The following AKAP8L variants were observed in gnomAD, a reference collection of about 807,000 sequenced individuals.
The protein encoded by AKAP8L is A-kinase anchoring protein 8 like, also known as A-kinase anchor protein 8-like.
Under a neutral mutation model 77.5 loss-of-function variants are expected in AKAP8L, and 34 were observed. The observed-to-expected ratio is 0.44, with a 90% CI of 0.33 to 0.58. AKAP8L has a LOEUF of 0.58. Among genes scored for constraint, AKAP8L ranks in the 20% least tolerant of loss-of-function variants. The pLI, the probability that AKAP8L is intolerant of heterozygous loss-of-function variation, is 0.02. For synonymous variants in AKAP8L, 342 were observed against 340.7 expected, an observed-to-expected ratio of 1.00 and a Z score of -0.04; for missense variants, 806 against 887.6, an observed-to-expected ratio of 0.91 and a Z score of 1.17.
chr19:15,392,840 G>T (rs1372635900), intron 12 of AKAP8L, among the ~76,000 whole-genome samples: 1 of 122,556 alleles, frequency 8.2e-6, no homozygotes, highest in South Asian at 2.7e-4. Flanking sequence ...AGGTTGCAGT[G>T]AGCCAAGATG....
At position 15,404,748 on chromosome 19, in the gene AKAP8L, C is replaced by T. The variant is rs531763062; in HGVS notation, c.89-706G>A. 7.2e-5 allele frequency among the ~76,000 whole-genome samples: 11 copies of T among 152,312 alleles called. 1 individual carries two copies. In the South Asian group the frequency reaches 2.3e-3, roughly 32 times the overall value. ...TGTTTCCCATTCCATGTCATCTCTG[C>T]CCCGCAGAGGACATGCTCATCCCAG... is the stretch of plus-strand genomic sequence containing the variant. On this transcript the variant is annotated intron_variant, in intron 2 of 13. Coordinates refer to ENST00000397410, the MANE Select transcript of AKAP8L (RefSeq NM_014371.4).
intron 12 of AKAP8L, 74 bp from the exon 13 acceptor site, chr19:15,380,686 T>C: frequency 6.9e-7 from 1 of 1,445,078 alleles, no homozygotes; most frequent in Non-Finnish European, 9.6e-7. Flanking sequence ...CCCTGCCAGC[T>C]TAGAGGGACC....
chr19:15,404,258 G>A, intron 2 of AKAP8L: 1 of 574,042 alleles, frequency 1.7e-6, no homozygotes, highest in South Asian at 2.1e-5. Context: ...GTTATTTAAG[G>A]ATCCTTCTGT....
Position 15,400,959 on chromosome 19 carries a change from C to A in AKAP8L, c.901G>T (p.Asp301Tyr). Residue 301 changes from aspartate (D) to tyrosine (Y), a missense_variant, in exon 6 of 14, where the codon GAC (aspartate) becomes TAC (tyrosine). Around this residue, in one of 2 missense-constraint regions of AKAP8L, gnomAD observed 580 missense variants for 694.1 expected, o/e 0.84. Coordinates refer to ENST00000397410, the MANE Select transcript of AKAP8L (RefSeq NM_014371.4). Reference sequence around the variant, plus strand: ...CTAGTGGGCTCACCATTGTCTGAGTCGCTGTTGTCCGAGCAGTCCGTGCGG... The same window carrying A: ...CTAGTGGGCTCACCATTGTCTGAGTAGCTGTTGTCCGAGCAGTCCGTGCGG... ...ATRTDCSDNS[D>Y]SDNDEGTEGE... 6.2e-7 allele frequency: 1 copy of A among 1,613,956 alleles called. No individual in the cohort carries two copies. The highest frequency in any genetic ancestry group is 8.5e-7 in the Non-Finnish European group (1 of 1,179,874).
chr19:15,390,511 G>C (rs1401003737), intron 12 of AKAP8L, among the ~76,000 whole-genome samples: 1 of 151,518 alleles, frequency 6.6e-6, no homozygotes, highest in African/African-American at 2.4e-5. Context: ...ATTAATACTA[G>C]TATATACTAG....
Position 15,403,441 on chromosome 19 carries a change from C to A in AKAP8L, c.362+34G>T. 6.2e-7 allele frequency: 1 copy of A among 1,608,084 alleles called. No individual in the cohort carries two copies. Among genetic ancestry groups the A allele is most frequent in the Non-Finnish European group, 8.5e-7 (1 of 1,174,974 alleles). On this transcript the variant is annotated intron_variant, in intron 4 of 13. Coordinates refer to ENST00000397410, the MANE Select transcript of AKAP8L (RefSeq NM_014371.4). The surrounding 1 kb of genome is among the most constrained non-coding windows in gnomAD (Gnocchi z 4.3). The stretch of plus-strand genomic sequence containing the variant: ...GGGCAGCAGGCAGGAGCCGCCCCTG[C>A]AGAGTCTCAACCCCTAGGCAGGTGT...
intron 1 of AKAP8L, among the ~76,000 whole-genome samples, chr19:15,414,013 G>A (rs1968154551): frequency 6.6e-6 from 1 of 151,446 alleles, no homozygotes; most frequent in Admixed American, 6.6e-5. Flanking sequence ...AAAGATCGCA[G>A]AGCAGGCCCT....
chr19:15,408,879 A>C (rs1968055001), intron 2 of AKAP8L, among the ~76,000 whole-genome samples: 1 of 151,926 alleles, frequency 6.6e-6, no homozygotes, highest in Non-Finnish European at 1.5e-5. Flanking sequence ...CTCAAAAAAA[A>C]AAAAAAAGAA....
At chr19:15,412,875 C>A (rs1255592068) in intron 1 of AKAP8L, among the ~76,000 whole-genome samples, 1 of 152,200 alleles carries the variant, frequency 6.6e-6, no homozygotes, top group East Asian at 1.9e-4. Flanking sequence ...TTTCTCTCAG[C>A]ACTGAAATTA....
At position 15,397,344 on chromosome 19, in the gene AKAP8L, GA is replaced by G; in HGVS notation, c.1406-65del. ...GCCTAAGATAGACCCAGGTGTTCGA[GA>G]AAAAAACCACACCAGCTCCTCCTCA... On this transcript the variant is annotated intron_variant, in intron 11 of 13. Coordinates refer to ENST00000397410, the MANE Select transcript of AKAP8L (RefSeq NM_014371.4). This position sits in a 1 kb window ranked among gnomAD's most constrained non-coding sequence, Gnocchi z 4.7. 1.9e-6 allele frequency: 3 copies of G among 1,590,654 alleles called. No individual in the cohort carries two copies. Among genetic ancestry groups the G allele is most frequent in the Non-Finnish European group, 1.7e-6 (2 of 1,164,878 alleles).
chr19:15,383,830 C>A (rs1380853291), intron 12 of AKAP8L: 1 of 150,614 alleles, frequency 6.6e-6, no homozygotes, highest in Non-Finnish European at 1.5e-5. Flanking sequence ...AATGTGCTGT[C>A]TATATTAATT....
At chr19:15,411,872 G>T (rs1302907547) in intron 1 of AKAP8L, among the ~76,000 whole-genome samples, 1 of 152,042 alleles carries the variant, frequency 6.6e-6, no homozygotes, top group South Asian at 2.1e-4. Flanking sequence ...TGGCCAACAT[G>T]GTGAAACCCC....
Position 15,398,593 on chromosome 19 carries a change from G to A in AKAP8L, c.1157+709C>T, listed in dbSNP as rs1967825598. 1.0e-6 allele frequency: 1 copy of A among 986,218 alleles called. No individual in the cohort carries two copies. The highest frequency in any genetic ancestry group is 1.2e-6 in the Non-Finnish European group (1 of 830,552). 61.1% of individuals were successfully genotyped at this position (986,218 alleles called of 1,614,324 possible). On this transcript the variant is annotated intron_variant, in intron 9 of 13. Coordinates refer to ENST00000397410, the MANE Select transcript of AKAP8L (RefSeq NM_014371.4). This position sits in a 1 kb window ranked among gnomAD's most constrained non-coding sequence, Gnocchi z 9.2. ...GGCCGCCGTGGCAAGGGGCGGAGGAGGCCAGCCGCCACCGAGACCTCGGGG... is the reference window on the plus strand; with the variant it reads ...GGCCGCCGTGGCAAGGGGCGGAGGAAGCCAGCCGCCACCGAGACCTCGGGG...
At chr19:15,405,513 C>T (rs1432901246) in intron 2 of AKAP8L, among the ~76,000 whole-genome samples, 3 of 150,906 alleles carry the variant, frequency 2.0e-5, no homozygotes, top group Non-Finnish European at 4.4e-5. Context: ...CTGGGCGACA[C>T]GGTGAAACTC....
rs777721753 is a variant in AKAP8L, at chr19:15,404,590, T to C, written c.89-548A>G. Among the ~76,000 whole-genome samples the C allele has an allele frequency of 3.3e-5, 5 of 152,342 alleles. No homozygotes were observed. The South Asian group carries it at 1.0e-3, about 32-fold the overall frequency. ...ACATGATAAAACCTCATTCCTTCAG[T>C]AACATAAAGCCACTGAGAAGTGACA... is the stretch of plus-strand genomic sequence containing the variant. On this transcript the variant is annotated intron_variant, in intron 2 of 13. Transcript: ENST00000397410.
chr19:15,400,457 C>T lies in AKAP8L; in HGVS notation c.985-99G>A, dbSNP rs1470474316. On this transcript the variant is annotated intron_variant, in intron 7 of 13. Transcript: ENST00000397410. ...GCAACGGTATATAGTAAAACAGCTG[C>T]TTGCTCCATAGACAGAGCAGGGCTA... The T allele has an allele frequency of 4.0e-6, 5 of 1,237,386 alleles. No homozygotes were observed. In the African/African-American group the frequency reaches 6.1e-5, roughly 15 times the overall value. 76.7% of individuals were successfully genotyped at this position (1,237,386 alleles called of 1,614,324 possible). A position where few individuals can be genotyped will look rare whatever the true frequency, so the allele number is the denominator to read the frequency against.
chr19:15,400,731 C>G, intron 7 of AKAP8L, 63 bp downstream of exon 7: 1 of 1,582,004 alleles, frequency 6.3e-7, no homozygotes, highest in Non-Finnish European at 8.7e-7. Flanking sequence ...CCAGGGAGAG[C>G]ACCACTCTTT....
chr19:15,380,093 A>C lies in AKAP8L; in HGVS notation c.*29T>G, dbSNP rs1967363805. The C allele has an allele frequency of 1.4e-6, 2 of 1,428,276 alleles. No homozygotes were observed. The highest frequency in any genetic ancestry group is 1.5e-5 in the African/African-American group (1 of 65,006). 88.5% of individuals were successfully genotyped at this position (1,428,276 alleles called of 1,614,324 possible). A position where few individuals can be genotyped will look rare whatever the true frequency, so the allele number is the denominator to read the frequency against. Reference sequence around the variant, plus strand: ...TTAGGTTTGGTTTCCAGCTTCGGCCACGCGGGCTCCGCCCGCCCCGAGCTC... The same window carrying C: ...TTAGGTTTGGTTTCCAGCTTCGGCCCCGCGGGCTCCGCCCGCCCCGAGCTC... On this transcript the variant is annotated 3_prime_UTR_variant, in exon 14 of 14. Transcript: ENST00000397410.
Position 15,380,053 on chromosome 19 carries a change from G to A in AKAP8L, c.*69C>T, listed in dbSNP as rs866372438. Reference sequence around the variant, plus strand: ...CAGTAACAGAGAAACCCGGAGGTGGGATGGGAAAACTTTATTAGGTTTGGT... The same window carrying A: ...CAGTAACAGAGAAACCCGGAGGTGGAATGGGAAAACTTTATTAGGTTTGGT... On this transcript the variant is annotated 3_prime_UTR_variant, in exon 14 of 14. Transcript: ENST00000397410. 14 of 1,411,104 alleles carry A rather than the reference G, an allele frequency of 9.9e-6. No homozygotes were observed. The highest frequency in any genetic ancestry group is 7.5e-5 in the South Asian group (5 of 66,728). 87.4% of individuals were successfully genotyped at this position (1,411,104 alleles called of 1,614,324 possible). A position where few individuals can be genotyped will look rare whatever the true frequency, so the allele number is the denominator to read the frequency against.
Sources: allele counts gnomAD v4.1 joint callset (sites outside exome capture counted in the v4.1 genomes callset), GRCh38; gene constraint gnomAD v4.1.1; regional missense constraint gnomAD v4.1.1; non-coding constraint Gnocchi (gnomAD v3.1); transcripts MANE v1.5; gene names NCBI Gene and HGNC (gene_info 2026-07-23, HGNC 2026-07-21).